The following ZNF710 variants were observed in gnomAD, a reference collection of about 807,000 sequenced individuals.
ZNF710 encodes zinc finger protein 710.
In ZNF710, 13 loss-of-function variants were observed where a neutral mutation model predicts 50.6. That is an observed-to-expected ratio of 0.26 (90% CI 0.17 to 0.41). The LOEUF is 0.41. Ranked by LOEUF, ZNF710 falls within the 10% of genes least tolerant of loss-of-function variation. ZNF710 has a pLI of 1.00. For missense variants in ZNF710, 721 were observed against 936.6 expected (o/e 0.77, Z 3.01); for synonymous variants, 383 against 397.0 (o/e 0.96, Z 0.42).
chr15:90,081,940 C>T lies in ZNF710; in HGVS notation c.*2111C>T, dbSNP rs534638374. The T allele has an allele frequency of 1.3e-5, 2 of 152,532 alleles. No individual in the cohort carries two copies. Among genetic ancestry groups the T allele is most frequent in the East Asian group, 1.9e-4 (1 of 5,180 alleles). 9.4% of individuals were successfully genotyped at this position (152,532 alleles called of 1,614,324 possible). On this transcript the variant is annotated 3_prime_UTR_variant, in exon 5 of 5. Coordinates refer to ENST00000268154, the MANE Select transcript of ZNF710 (RefSeq NM_198526.4). ...AAGCTAGGAGGAGGAAACAGCACAA[C>T]TCACAGTTTGAGCTGGGGGGTGGTC... is the stretch of plus-strand genomic sequence containing the variant.
At chr15:90,046,295 G>A (rs1269334179) in intron 1 of ZNF710, among the ~76,000 whole-genome samples, 1 of 152,200 alleles carries the variant, frequency 6.6e-6, no homozygotes, top group Non-Finnish European at 1.5e-5. Flanking sequence ...CATAGTAGGC[G>A]CTTCATGAAT....
At chr15:90,054,695 C>G (rs759289782) in intron 1 of ZNF710, among the ~76,000 whole-genome samples, 26 of 152,224 alleles carry the variant, frequency 1.7e-4, no homozygotes, top group Non-Finnish European at 2.9e-4. Context: ...ATCTTTGTCC[C>G]CTTGAACTTG....
At chr15:90,069,228 CAAAA>C (rs1231164801) in intron 2 of ZNF710, among the ~76,000 whole-genome samples, 4 of 69,620 alleles carry the variant, frequency 5.7e-5, no homozygotes, top group Non-Finnish European at 6.3e-5. Flanking sequence ...AACTCCATCT[CAAAA>C]AAAAAAAAAA....
Position 90,057,690 on chromosome 15 carries a change from AAATAAT to A in ZNF710, c.-28-9389_-28-9384del, listed in dbSNP as rs71151550. On this transcript the variant is annotated intron_variant, in intron 1 of 4. Transcript: ENST00000268154. Reference sequence around the variant, plus strand: ...CCAGCCTGGGTTACAGAGCAAGACTAAATAATAATAATAATAATAATAATAATAATA... The same window carrying A: ...CCAGCCTGGGTTACAGAGCAAGACTAAATAATAATAATAATAATAATAATA... Among the ~76,000 whole-genome samples the A allele has an allele frequency of 7.8e-3, 1,093 of 139,504 alleles. 13 individuals carry two copies. Among genetic ancestry groups the A allele is most frequent in the African/African-American group, 0.026 (947 of 36,698 alleles). 91.5% of individuals were successfully genotyped at this position (139,504 alleles called of 152,430 possible).
rs142672673 is a variant in ZNF710, at chr15:90,078,249, A to C, written c.1826-1411A>C. On this transcript the variant is annotated intron_variant, in intron 4 of 4. Transcript: ENST00000268154. ...AAAAAGAAGAGAAAAGAAATGGTTC[A>C]AAGTCTAGGCCCTCTTCAGAGCTGG... 8.9e-3 allele frequency among the ~76,000 whole-genome samples: 1,355 copies of C among 151,736 alleles called. 23 individuals carry two copies. Among genetic ancestry groups the C allele is most frequent in the African/African-American group, 0.031 (1,299 of 41,390 alleles).
intron 1 of ZNF710, among the ~76,000 whole-genome samples, chr15:90,036,455 C>G (rs1899130188): frequency 6.6e-6 from 1 of 152,178 alleles, no homozygotes; most frequent in South Asian, 2.1e-4. Flanking sequence ...AGGGACGTCC[C>G]TTCAGTGGCC....
upstream of ZNF710, among the ~76,000 whole-genome samples, chr15:90,000,986 GA>G (rs1008052330): frequency 9.2e-5 from 13 of 140,792 alleles, no homozygotes; most frequent in Admixed American, 2.9e-4. Flanking sequence ...GCTGAGAGGA[GA>G]AAAAAAAAAG....
intron 1 of ZNF710, among the ~76,000 whole-genome samples, chr15:90,013,844 T>C (rs1423473079): frequency 1.3e-5 from 2 of 152,140 alleles, no homozygotes; most frequent in African/African-American, 4.8e-5. Context: ...AATTATCTGG[T>C]CTTTCCACAT....
chr15:90,073,335 G>A (rs968525868), intron 3 of ZNF710, 73 bp downstream of exon 3: 2 of 1,539,452 alleles, frequency 1.3e-6, no homozygotes, highest in African/African-American at 2.7e-5. Flanking sequence ...TGCAGCAGCT[G>A]TGGCCCACCA....
At chr15:90,011,670 A>G (rs561367363) in intron 1 of ZNF710, among the ~76,000 whole-genome samples, 2 of 152,320 alleles carry the variant, frequency 1.3e-5, no homozygotes, top group East Asian at 3.9e-4. Flanking sequence ...TTCTGGGATC[A>G]GAACATCATG....
intron 1 of ZNF710, among the ~76,000 whole-genome samples, chr15:90,054,954 T>A (rs1217406347): frequency 1.3e-5 from 2 of 152,178 alleles, no homozygotes; most frequent in Non-Finnish European, 2.9e-5. Context: ...GCAAGGGGCC[T>A]CTTTTTTCTT....
intron 1 of ZNF710, among the ~76,000 whole-genome samples, chr15:90,014,310 G>A (rs1338930494): frequency 6.6e-6 from 1 of 152,064 alleles, no homozygotes; most frequent in East Asian, 1.9e-4. Flanking sequence ...AAGAAAGAGT[G>A]TAATTCTGAG....
chr15:90,035,548 G>A (rs772807507), intron 1 of ZNF710, among the ~76,000 whole-genome samples: 41 of 152,244 alleles, frequency 2.7e-4, no homozygotes, highest in Non-Finnish European at 4.7e-4. Context: ...CCTAACATCC[G>A]GCAGACCCTG....
chr15:90,012,747 T>C (rs1229985149), intron 1 of ZNF710, among the ~76,000 whole-genome samples: 1 of 152,206 alleles, frequency 6.6e-6, no homozygotes. Flanking sequence ...TATTAACTCA[T>C]AGATTTAATA....
Position 90,042,042 on chromosome 15 carries a change from C to T in ZNF710, c.-28-25068C>T, listed in dbSNP as rs567661668. Among the ~76,000 whole-genome samples, 184 of 152,124 alleles carry T rather than the reference C, an allele frequency of 1.2e-3. 1 individual carries two copies. The highest frequency in any genetic ancestry group is 3.9e-3 in the African/African-American group (163 of 41,492). On this transcript the variant is annotated intron_variant, in intron 1 of 4. Coordinates refer to ENST00000268154, the MANE Select transcript of ZNF710 (RefSeq NM_198526.4). ...CCTCCCAGGTAGCTGGGATTACAGGCGCCCACTACCACGTCTGGCTTATTT... is the reference window on the plus strand; with the variant it reads ...CCTCCCAGGTAGCTGGGATTACAGGTGCCCACTACCACGTCTGGCTTATTT...
chr15:90,020,558 C>A (rs1178605646), intron 1 of ZNF710, among the ~76,000 whole-genome samples: 1 of 152,210 alleles, frequency 6.6e-6, no homozygotes, highest in Non-Finnish European at 1.5e-5. Context: ...CAAACCCCAG[C>A]CCCTTGAGAT....
intron 1 of ZNF710, chr15:90,025,135 T>C (rs1209113257): frequency 1.3e-5 from 2 of 152,158 alleles, no homozygotes; most frequent in African/African-American, 2.4e-5. Context: ...CGTGGAGGGA[T>C]GAGGGCAGTT....
intron 1 of ZNF710, among the ~76,000 whole-genome samples, chr15:90,003,643 A>G (rs191105658): frequency 3.9e-5 from 6 of 152,300 alleles, no homozygotes; most frequent in Admixed American, 3.9e-4. Flanking sequence ...ATCAAAGCCG[A>G]TGGGGCTATC....
chr15:90,056,445 C>T (rs1899821017), intron 1 of ZNF710, among the ~76,000 whole-genome samples: 1 of 152,074 alleles, frequency 6.6e-6, no homozygotes, highest in African/African-American at 2.4e-5. Flanking sequence ...TTAGTCCTGA[C>T]TGAGGGGTAG....
Sources: allele counts gnomAD v4.1 joint callset (sites outside exome capture counted in the v4.1 genomes callset), GRCh38; gene constraint gnomAD v4.1.1; transcripts MANE v1.5; gene names NCBI Gene and HGNC (gene_info 2026-07-23, HGNC 2026-07-21).